SENP7: variants seen among roughly 807,000 people sequenced by gnomAD.
SENP7 encodes sentrin-specific protease 7.
A neutral mutation model predicts 141.2 loss-of-function variants in SENP7; 64 were observed. That is an observed-to-expected ratio of 0.45 (90% CI 0.37 to 0.56). SENP7 has a LOEUF of 0.56. Among genes scored for constraint, SENP7 ranks in the 20% least tolerant of loss-of-function variants. The probability of loss-of-function intolerance (pLI) is 0.00; values close to 1 mark genes in which losing one functional copy is unlikely to be tolerated. For synonymous variants in SENP7, 382 were observed against 426.4 expected (o/e 0.90, Z 1.28); for missense variants, 1,025 against 1,212.2 (o/e 0.85, Z 2.29).
chr3:101,504,560 A>AT (rs2065517063), intron 1 of SENP7, among the ~76,000 whole-genome samples: 1 of 152,192 alleles, frequency 6.6e-6, no homozygotes, highest in Non-Finnish European at 1.5e-5. Flanking sequence ...AAAATAAAGA[A>AT]TTTTTTAAAT....
chr3:101,441,254 C>A (rs1484448829), intron 4 of SENP7, among the ~76,000 whole-genome samples: 1 of 152,200 alleles, frequency 6.6e-6, no homozygotes, highest in Non-Finnish European at 1.5e-5. Flanking sequence ...CAGTGCCCAA[C>A]AGCACCAATA....
chr3:101,373,041 T>C (rs1277863048), intron 6 of SENP7, among the ~76,000 whole-genome samples: 4 of 152,008 alleles, frequency 2.6e-5, no homozygotes, highest in African/African-American at 9.7e-5. Flanking sequence ...TAATGCTTCC[T>C]TGTTTTGAGA....
chr3:101,344,978 G>C lies in SENP7; in HGVS notation c.1838-1024C>G, dbSNP rs1188872920. Among the ~76,000 whole-genome samples, 7 of 39,982 alleles carry C rather than the reference G, an allele frequency of 1.8e-4. No individual in the cohort carries two copies. The East Asian group carries it at 5.6e-3, about 32-fold the overall frequency. 26.2% of individuals were successfully genotyped at this position (39,982 alleles called of 152,430 possible). On this transcript the variant is annotated intron_variant, in intron 13 of 23. Coordinates refer to ENST00000394095, the MANE Select transcript of SENP7 (RefSeq NM_020654.5). ...GGAACATATCGAGAGCCCATCTCTA[G>C]AAAAAAAGAAAGCAAAAAAAAAAAA...
At chr3:101,363,798 C>T (rs1387033500) in intron 10 of SENP7, among the ~76,000 whole-genome samples, 1 of 152,186 alleles carries the variant, frequency 6.6e-6, no homozygotes, top group East Asian at 1.9e-4. Context: ...GCCAACTCTT[C>T]ACCATACTCT....
intron 4 of SENP7, among the ~76,000 whole-genome samples, chr3:101,419,636 A>C (rs1342636917): frequency 6.6e-6 from 1 of 152,190 alleles, no homozygotes; most frequent in Non-Finnish European, 1.5e-5. Flanking sequence ...CATGAGAAGC[A>C]GGAAAGGGTT....
At chr3:101,437,706 G>A (rs2062444147) in intron 4 of SENP7, among the ~76,000 whole-genome samples, 1 of 151,784 alleles carries the variant, frequency 6.6e-6, no homozygotes, top group Non-Finnish European at 1.5e-5. Context: ...GCAAGACCCA[G>A]TCTCAAAAAA....
At chr3:101,383,010 C>CAT (rs898180628) in intron 6 of SENP7, among the ~76,000 whole-genome samples, 21 of 152,146 alleles carry the variant, frequency 1.4e-4, no homozygotes, top group African/African-American at 5.1e-4. Flanking sequence ...AACAGAAACT[C>CAT]ATATAAGAAA....
chr3:101,375,039 C>T (rs1198279523), intron 6 of SENP7, among the ~76,000 whole-genome samples: 2 of 151,974 alleles, frequency 1.3e-5, no homozygotes, highest in East Asian at 3.9e-4. Flanking sequence ...TAAGGAAATG[C>T]AAGCCCAAAC....
chr3:101,507,886 T>A (rs2065687183), intron 1 of SENP7, among the ~76,000 whole-genome samples: 1 of 151,526 alleles, frequency 6.6e-6, no homozygotes, highest in Non-Finnish European at 1.5e-5. Context: ...CCGTCTCTAC[T>A]AAAAATACAA....
At chr3:101,335,840 T>C (rs1175502603) in intron 17 of SENP7, among the ~76,000 whole-genome samples, 1 of 152,174 alleles carries the variant, frequency 6.6e-6, no homozygotes, top group Non-Finnish European at 1.5e-5. Flanking sequence ...CATATATCCC[T>C]CTCCTAGCCC....
chr3:101,367,893 C>T lies in SENP7; in HGVS notation c.915G>A (p.Arg305=). 1 of 1,611,178 alleles carries T rather than the reference C, an allele frequency of 6.2e-7. No homozygotes were observed. Among genetic ancestry groups the T allele is most frequent in the Non-Finnish European group, 8.5e-7 (1 of 1,177,758 alleles). The change falls in exon 8 of 24, where the codon AGG becomes AGA. Residue 305 remains arginine, a synonymous_variant. Transcript: ENST00000394095. The part of the protein sequence containing the change: ...LTLISRKTKR[R]LRNNLPDSQY... ...GAGAATCAGGTAAATTATTTCTAAG[C>T]CTTCTCTTTGTCTTCCTGGAAATCA...
intron 3 of SENP7, among the ~76,000 whole-genome samples, chr3:101,480,608 T>C (rs1168809896): frequency 6.6e-6 from 1 of 152,086 alleles, no homozygotes; most frequent in Non-Finnish European, 1.5e-5. Flanking sequence ...AGGCAAAGAT[T>C]TTATGACTAA....
intron 6 of SENP7, among the ~76,000 whole-genome samples, chr3:101,380,151 G>A (rs978967074): frequency 1.3e-5 from 2 of 152,150 alleles, no homozygotes; most frequent in Non-Finnish European, 2.9e-5. Context: ...GTAGAATGGT[G>A]GCTGTCAGGG....
intron 11 of SENP7, among the ~76,000 whole-genome samples, chr3:101,360,777 A>G (rs1038173782): frequency 7.2e-5 from 11 of 152,386 alleles, no homozygotes; most frequent in Non-Finnish European, 1.2e-4. Context: ...ATGAAGTGTT[A>G]TAAGTGTATA....
At chr3:101,354,346 A>T (rs979076741) in intron 11 of SENP7, among the ~76,000 whole-genome samples, 1 of 152,020 alleles carries the variant, frequency 6.6e-6, no homozygotes, top group Admixed American at 6.6e-5. Flanking sequence ...TGTTGTACAG[A>T]TTGTTTTGAA....
At chr3:101,361,968 T>C (rs1402496253) in intron 10 of SENP7, 107 bp from the exon 11 acceptor site, 1 of 1,249,206 alleles carries the variant, frequency 8.0e-7, no homozygotes, top group Non-Finnish European at 1.1e-6. Flanking sequence ...TAGTGAATTT[T>C]TGAAGAACTT....
chr3:101,438,358 C>T (rs1256645754), intron 4 of SENP7, among the ~76,000 whole-genome samples: 1 of 152,062 alleles, frequency 6.6e-6, no homozygotes, highest in Non-Finnish European at 1.5e-5. Context: ...GTATGAGGTA[C>T]TTTAAAAAGT....
At chr3:101,479,892 CAAAAAAAAAAAAA>C (rs1168285268) in intron 3 of SENP7, among the ~76,000 whole-genome samples, 94 of 7,356 alleles carry the variant, frequency 0.013, 2 homozygotes, top group South Asian at 0.11. Flanking sequence ...ACAACAGCTA[CAAAAAAAAAAAAA>C]AAAAAAAAAA....
chr3:101,455,773 T>G (rs149257264), intron 4 of SENP7, among the ~76,000 whole-genome samples: 27 of 152,320 alleles, frequency 1.8e-4, no homozygotes, highest in African/African-American at 5.5e-4. Flanking sequence ...TTCCTAATTC[T>G]GCCTGCTAAC....
Sources: allele counts gnomAD v4.1 joint callset (sites outside exome capture counted in the v4.1 genomes callset), GRCh38; gene constraint gnomAD v4.1.1; transcripts MANE v1.5; gene names NCBI Gene and HGNC (gene_info 2026-07-23, HGNC 2026-07-21).